The following IQCN variants were observed in gnomAD, a reference collection of about 807,000 sequenced individuals.
IQCN encodes IQ domain-containing protein N.
Under a neutral mutation model 64.4 loss-of-function variants are expected in IQCN, and 46 were observed. The ratio of observed to expected loss-of-function variants is 0.71; its 90% CI spans 0.56 to 0.91. The LOEUF is 0.91. Ranked by LOEUF, IQCN falls within the 40% of genes least tolerant of loss-of-function variation. The pLI, the probability that IQCN is intolerant of heterozygous loss-of-function variation, is 0.00. For synonymous variants in IQCN, 733 were observed against 775.6 expected, an observed-to-expected ratio of 0.95 and a Z score of 0.91; for missense variants, 1,753 against 1,857.4, an observed-to-expected ratio of 0.94 and a Z score of 1.03.
rs1170327885 is a variant in IQCN at position 18,264,342 on chromosome 19, C to T, written c.3177+21G>A. The T allele has an allele frequency of 1.4e-6, 2 of 1,451,214 alleles. No individual in the cohort carries two copies. The highest frequency in any genetic ancestry group is 1.8e-6 in the Non-Finnish European group (2 of 1,103,228). 89.9% of individuals were successfully genotyped at this position (1,451,214 alleles called of 1,614,324 possible). A position where few individuals can be genotyped will look rare whatever the true frequency, so the allele number is the denominator to read the frequency against. On this transcript the variant is annotated intron_variant, in intron 3 of 3. Coordinates refer to ENST00000392413, the MANE Select transcript of IQCN (RefSeq NM_001145304.2). This position sits in a 1 kb window ranked among gnomAD's most constrained non-coding sequence, Gnocchi z 4.3. ...GGCCCATGGTGAAACAACCCCAGAT[C>T]CCAACCTGGGAATCCCTGACCTTGC...
At position 18,265,570 on chromosome 19, in the gene IQCN, A is replaced by C; in HGVS notation, c.1970T>G (p.Leu657Arg). 2 of 1,611,950 alleles carry C rather than the reference A, an allele frequency of 1.2e-6. No individual in the cohort carries two copies. The highest frequency in any genetic ancestry group is 1.7e-6 in the Non-Finnish European group (2 of 1,178,458). ...VYVPVDMAVT[L>R]PRGQLAAPLT... ...TGGGGCAGCCAGCTGTCCCCGGGGC[A>C]GGGTGACAGCCATGTCTACAGGCAC... Residue 657 changes from leucine (L) to arginine (R), a missense_variant, in exon 3 of 4, where the codon CTG becomes CGG. Leu to Arg is a moderately radical substitution (Grantham distance 102, BLOSUM62 -2). Coordinates refer to ENST00000392413, the MANE Select transcript of IQCN (RefSeq NM_001145304.2). The surrounding 1 kb of genome is among the most constrained non-coding windows in gnomAD (Gnocchi z 4.7).
chr19:18,267,545 G>T lies in IQCN; in HGVS notation c.14-19C>A. On this transcript the variant is annotated intron_variant, in intron 2 of 3. Coordinates refer to ENST00000392413, the MANE Select transcript of IQCN (RefSeq NM_001145304.2). ...GCTCTGCCTGTGGGGGCGGCAGGGGGTGGTCAGGGTGTAGCAGGTCCTGCA... is the reference window on the plus strand; with the variant it reads ...GCTCTGCCTGTGGGGGCGGCAGGGGTTGGTCAGGGTGTAGCAGGTCCTGCA... The T allele has an allele frequency of 6.6e-7, 1 of 1,511,498 alleles. No individual in the cohort carries two copies. The allele number at this position is 1,511,498 out of a possible 1,614,324, so 93.6% of individuals were successfully genotyped here.
rs1555700697 is a variant in IQCN at position 18,268,174 on chromosome 19, C to CAG, written c.14-649_14-648insCT. On this transcript the variant is annotated intron_variant, in intron 2 of 3. Transcript: ENST00000392413. ...TGTTTTGGAAATTTCCTGTTTGCCTCTGTGTGTGTGTGTGTGTGTGTGTGT... is the reference window on the plus strand; with the variant it reads ...TGTTTTGGAAATTTCCTGTTTGCCTCAGTGTGTGTGTGTGTGTGTGTGTGTGT... 3.0e-5 allele frequency among the ~76,000 whole-genome samples: 4 copies of CAG among 134,400 alleles called. No individual in the cohort carries two copies. In the South Asian group the frequency reaches 7.8e-4, roughly 26 times the overall value. The allele number at this position is 134,400 out of a possible 152,430, so 88.2% of individuals were successfully genotyped here.
chr19:18,268,121 T>C, intron 2 of IQCN, among the ~76,000 whole-genome samples: 1 of 151,724 alleles, frequency 6.6e-6, no homozygotes, highest in East Asian at 1.9e-4. Context: ...TTATCTTGGA[T>C]GTACCCTGGG....
At chr19:18,261,258 C>G (rs1247659001) in intron 3 of IQCN, 1 of 152,898 alleles carries the variant, frequency 6.5e-6, no homozygotes, top group Non-Finnish European at 1.5e-5. Context: ...CCAGGTCAAG[C>G]TTGGGGATTC....
chr19:18,267,576 G>A (rs776130812), intron 2 of IQCN, 50 bp from the exon 3 acceptor site: 3 of 1,488,332 alleles, frequency 2.0e-6, no homozygotes, highest in South Asian at 1.4e-5. Context: ...CTGCAAACAA[G>A]AGGTCTCCTG....
At chr19:18,258,239 G>T in intron 3 of IQCN, 133 bp from the exon 4 acceptor site, 2 of 961,150 alleles carry the variant, frequency 2.1e-6, no homozygotes, top group Non-Finnish European at 3.2e-6. Context: ...AAGACTCATA[G>T]CCTAGAGACA....
At chr19:18,273,326 C>A (rs994727657) in intron 1 of IQCN, among the ~76,000 whole-genome samples, 46 of 151,998 alleles carry the variant, frequency 3.0e-4, no homozygotes, top group African/African-American at 1.1e-3. Context: ...GTCACCATGC[C>A]CGGCCTAATT....
At chr19:18,272,137 TCTC>T (rs1969747107) in intron 1 of IQCN, among the ~76,000 whole-genome samples, 1 of 84,618 alleles carries the variant, frequency 1.2e-5, no homozygotes, top group South Asian at 3.6e-4. Context: ...TTTTTTTTTT[TCTC>T]TCTCTCTTTT....
At chr19:18,259,731 A>G (rs1969386445) in intron 3 of IQCN, 1 of 152,314 alleles carries the variant, frequency 6.6e-6, no homozygotes, top group African/African-American at 2.4e-5. Flanking sequence ...GTTTTTTGGA[A>G]TAACCACACT....
rs767491723 is a variant in IQCN, at chr19:18,265,649, C to G, written c.1891G>C (p.Ala631Pro). 1 of 1,614,080 alleles carries G rather than the reference C, an allele frequency of 6.2e-7. No homozygotes were observed. Among genetic ancestry groups the G allele is most frequent in the Admixed American group, 1.7e-5 (1 of 60,016 alleles). ...TCAGCAACTTTTGTCCAGGATGGAG[C>G]CCCAGCCATTTCCACTGCCACACTG... ...KTSVAVEMAGAPSWTKVAEEG... is the reference protein window; with the variant it reads ...KTSVAVEMAGPPSWTKVAEEG... The change falls in exon 3 of 4, where the codon GCT becomes CCT. Residue 631 changes from alanine to proline, a missense_variant. By Grantham distance (27) the Ala-to-Pro change is conservative (BLOSUM62 -1). Coordinates refer to ENST00000392413, the MANE Select transcript of IQCN (RefSeq NM_001145304.2). The surrounding 1 kb of genome is among the most constrained non-coding windows in gnomAD (Gnocchi z 4.7).
chr19:18,268,635 C>T (rs1044065848), intron 2 of IQCN, among the ~76,000 whole-genome samples: 4 of 151,806 alleles, frequency 2.6e-5, no homozygotes, highest in South Asian at 2.1e-4. Context: ...CGAGGCCAGC[C>T]GGGCCAACAT....
intron 1 of IQCN, among the ~76,000 whole-genome samples, chr19:18,270,189 G>A (rs544784659): frequency 5.3e-5 from 8 of 150,482 alleles, no homozygotes; most frequent in African/African-American, 2.0e-4. Context: ...GTAAAACCCC[G>A]TCTCTACTAA....
At chr19:18,260,012 G>A (rs543686656) in intron 3 of IQCN, 1 of 152,586 alleles carries the variant, frequency 6.6e-6, no homozygotes, top group South Asian at 2.1e-4. Flanking sequence ...GAGACCCACT[G>A]GGGAACATAG....
intron 1 of IQCN, 145 bp from the exon 2 acceptor site, chr19:18,269,732 G>C (rs12459276): frequency 0.24 from 116,008 of 481,708 alleles, 15,592 homozygotes; most frequent in Admixed American, 0.34. Context: ...TTTGTAGCTA[G>C]AAATCAAACA....
At chr19:18,268,961 CAAAAAAAA>C (rs35086395) in intron 2 of IQCN, among the ~76,000 whole-genome samples, 2 of 54,412 alleles carry the variant, frequency 3.7e-5, no homozygotes, top group African/African-American at 1.4e-4. Flanking sequence ...GACTCTGTCT[CAAAAAAAA>C]AAAAAAAAAA....
In IQCN at chr19:18,258,116, A is replaced by C; in HGVS notation, c.3178-10T>G. 1 of 1,606,990 alleles carries C rather than the reference A, an allele frequency of 6.2e-7. No homozygotes were observed. The stretch of plus-strand genomic sequence containing the variant: ...CAGCGTCCGCGGGGCCCTGGAGTAT[A>C]GTGGAGTTCAGGGATGCCTTGTGAC... On this transcript the variant is annotated splice_polypyrimidine_tract_variant and intron_variant, in intron 3 of 3. Coordinates refer to ENST00000392413, the MANE Select transcript of IQCN (RefSeq NM_001145304.2).
intron 1 of IQCN, among the ~76,000 whole-genome samples, chr19:18,270,931 C>T (rs9749302): frequency 0.055 from 8,312 of 151,656 alleles, 756 homozygotes; most frequent in African/African-American, 0.19. Context: ...CCCAGCACTT[C>T]GGGAGGCCAA....
chr19:18,269,474 G>T lies in IQCN; in HGVS notation c.5C>A (p.Thr2Asn). M[T>N]LQGRADLSGN... ...ATAGACCATCTTCTTACCTTGAAGG[G>T]TCATAGATTTGGAGGAGTAGCAGGA... Residue 2 changes from threonine to asparagine, a missense_variant, in exon 2 of 4, where the codon ACC becomes AAC. Physicochemically the swap from Thr to Asn is moderately conservative, Grantham distance 65. Transcript: ENST00000392413. The T allele has an allele frequency of 1.2e-6, 2 of 1,613,972 alleles. No individual in the cohort carries two copies. Among genetic ancestry groups the T allele is most frequent in the South Asian group, 1.1e-5 (1 of 91,070 alleles).
Sources: gnomAD v4.1 joint callset for allele counts (sites outside exome capture counted in the v4.1 genomes callset) on GRCh38, gnomAD v4.1.1 for gene constraint, Gnocchi (gnomAD v3.1) non-coding constraint, MANE v1.5 for transcripts, NCBI Gene and HGNC (gene_info 2026-07-23, HGNC 2026-07-21) for gene names.